SLC4A10: variants seen among roughly 807,000 people sequenced by gnomAD.
The protein encoded by SLC4A10 is sodium-driven chloride bicarbonate exchanger.
SLC4A10 carries 42 observed loss-of-function variants against 137.7 expected under a neutral mutation model. The observed-to-expected ratio is 0.30, with a 90% CI of 0.24 to 0.39. The LOEUF (loss-of-function observed/expected upper bound fraction) is 0.39. Among genes scored for constraint, SLC4A10 ranks in the 10% least tolerant of loss-of-function variants. The pLI is 1.00. For synonymous variants in SLC4A10, 474 were observed against 464.1 expected (o/e 1.02, Z -0.27); for missense variants, 925 against 1,355.0 (o/e 0.68, Z 4.98).
intron 2 of SLC4A10, among the ~76,000 whole-genome samples, chr2:161,772,901 AG>A (rs2051830465): frequency 6.6e-6 from 1 of 151,884 alleles, no homozygotes; most frequent in African/African-American, 2.4e-5. Flanking sequence ...CATTAGCCAG[AG>A]TCAGGAAATA....
chr2:161,716,031 TGGC>T (rs2044830711), intron 1 of SLC4A10, among the ~76,000 whole-genome samples: 1 of 152,150 alleles, frequency 6.6e-6, no homozygotes, highest in Non-Finnish European at 1.5e-5. Flanking sequence ...CCATTCTGAC[TGGC>T]ATGAGATGGT....
At chr2:161,778,855 T>C (rs1213920652) in intron 2 of SLC4A10, among the ~76,000 whole-genome samples, 1 of 151,986 alleles carries the variant, frequency 6.6e-6, no homozygotes, top group African/African-American at 2.4e-5. Context: ...CATCTTGATA[T>C]TCTTTTACTC....
At chr2:161,821,385 C>A (rs1382455317) in intron 3 of SLC4A10, among the ~76,000 whole-genome samples, 1 of 152,164 alleles carries the variant, frequency 6.6e-6, no homozygotes, top group East Asian at 1.9e-4. Flanking sequence ...ATAATCTTGG[C>A]TGAAGTTTGT....
intron 9 of SLC4A10, 23 bp downstream of exon 9, chr2:161,879,311 T>C (rs998765985): frequency 6.4e-7 from 1 of 1,574,508 alleles, no homozygotes; most frequent in South Asian, 1.2e-5. Context: ...AAAGCGTCTT[T>C]TGTATTTTTC....
intron 23 of SLC4A10, among the ~76,000 whole-genome samples, chr2:161,970,258 T>C (rs760556517): frequency 3.5e-4 from 54 of 152,358 alleles, no homozygotes; most frequent in Non-Finnish European, 7.4e-4. Context: ...GTTACATTTA[T>C]GTACTGATAT....
chr2:161,771,980 A>G (rs1002611739), intron 2 of SLC4A10, among the ~76,000 whole-genome samples: 6 of 151,888 alleles, frequency 4.0e-5, no homozygotes, highest in African/African-American at 1.2e-4. Context: ...TTACAGTACA[A>G]TTAAATTAAT....
chr2:161,792,501 A>G (rs965152931), intron 2 of SLC4A10, among the ~76,000 whole-genome samples: 1 of 152,152 alleles, frequency 6.6e-6, no homozygotes, highest in Admixed American at 6.6e-5. Context: ...CAGTTGTACC[A>G]TGAAGGTGGC....
At chr2:161,709,460 A>G (rs926255017) in intron 1 of SLC4A10, among the ~76,000 whole-genome samples, 1 of 151,594 alleles carries the variant, frequency 6.6e-6, no homozygotes, top group Non-Finnish European at 1.5e-5. Flanking sequence ...CTATTGAAAT[A>G]TTGATGCTCT....
Position 161,942,830 on chromosome 2 carries a change from C to T in SLC4A10, c.2036C>T (p.Thr679Ile), listed in dbSNP as rs1204367305. Residue 679 changes from threonine to isoleucine, a missense_variant, in exon 16 of 27, where the codon ACA (threonine) becomes ATA (isoleucine). Physicochemically the swap from Thr to Ile is moderately conservative, Grantham distance 89. Coordinates refer to ENST00000446997, the MANE Select transcript of SLC4A10 (RefSeq NM_001178015.2). The part of the protein sequence containing the change: ...CVEPHNPSNG[T>I]LKEWRESNIS... Reference sequence around the variant, plus strand: ...GAACCGCATAATCCCAGCAATGGCACATTGAAGGAATGGAGGGAATCCAAT... The same window carrying T: ...GAACCGCATAATCCCAGCAATGGCATATTGAAGGAATGGAGGGAATCCAAT... 1 of 1,606,234 alleles carries T rather than the reference C, an allele frequency of 6.2e-7. No individual in the cohort carries two copies. The highest frequency in any genetic ancestry group is 1.7e-5 in the Admixed American group (1 of 59,158).
chr2:161,882,016 C>G (rs1302281928), intron 9 of SLC4A10, among the ~76,000 whole-genome samples: 2 of 151,794 alleles, frequency 1.3e-5, no homozygotes, highest in East Asian at 3.9e-4. Context: ...TTAGAAAGGT[C>G]TAATCAGATT....
At chr2:161,693,583 T>C (rs908491499) in intron 1 of SLC4A10, among the ~76,000 whole-genome samples, 4 of 151,848 alleles carry the variant, frequency 2.6e-5, no homozygotes, top group Admixed American at 2.0e-4. Context: ...AATCAAAGTT[T>C]GTACCATTTG....
chr2:161,648,310 C>T (rs1217279721), intron 1 of SLC4A10, among the ~76,000 whole-genome samples: 1 of 152,102 alleles, frequency 6.6e-6, no homozygotes, highest in Admixed American at 6.6e-5. Flanking sequence ...ATTACTTACT[C>T]ATTCACTTAC....
intron 7 of SLC4A10, among the ~76,000 whole-genome samples, chr2:161,873,106 A>T (rs1463167095): frequency 6.6e-6 from 1 of 152,194 alleles, no homozygotes; most frequent in East Asian, 1.9e-4. Context: ...TATAAAACTG[A>T]ATTGTTAATG....
chr2:161,737,963 C>T (rs2047513969), intron 1 of SLC4A10, among the ~76,000 whole-genome samples: 2 of 152,156 alleles, frequency 1.3e-5, no homozygotes, highest in Non-Finnish European at 2.9e-5. Flanking sequence ...CAGTTTCTGC[C>T]TGACCTAGTC....
At chr2:161,703,884 A>G (rs2043375618) in intron 1 of SLC4A10, among the ~76,000 whole-genome samples, 1 of 151,712 alleles carries the variant, frequency 6.6e-6, no homozygotes, top group Admixed American at 6.6e-5. Flanking sequence ...CTCAACAGGC[A>G]GCATTGATTA....
intron 1 of SLC4A10, among the ~76,000 whole-genome samples, chr2:161,708,270 T>G (rs969458518): frequency 2.6e-5 from 4 of 151,502 alleles, no homozygotes; most frequent in Admixed American, 2.0e-4. Flanking sequence ...TAATTTTGCT[T>G]GGTAAGTCAT....
chr2:161,660,613 T>TTCCTTTCCTTCTTTCC (rs1553479926), intron 1 of SLC4A10, among the ~76,000 whole-genome samples: 109 of 130,254 alleles, frequency 8.4e-4, no homozygotes, highest in South Asian at 1.7e-3. Context: ...TCTTTCTTTC[T>TTCCTTTCCTTCTTTCC]TTCTTTCTTT....
At chr2:161,754,750 A>C (rs563397721) in intron 1 of SLC4A10, among the ~76,000 whole-genome samples, 1 of 152,320 alleles carries the variant, frequency 6.6e-6, no homozygotes, top group East Asian at 1.9e-4. Flanking sequence ...AGTTACTACT[A>C]TGTAAGAAAA....
At chr2:161,978,808 T>A (rs1027704035) in intron 26 of SLC4A10, among the ~76,000 whole-genome samples, 2 of 152,232 alleles carry the variant, frequency 1.3e-5, no homozygotes, top group Admixed American at 1.3e-4. Flanking sequence ...TTTTGGTTGG[T>A]ATTTTCTGTC....
Sources: allele counts gnomAD v4.1 joint callset (sites outside exome capture counted in the v4.1 genomes callset), GRCh38; gene constraint gnomAD v4.1.1; transcripts MANE v1.5; gene names NCBI Gene and HGNC (gene_info 2026-07-23, HGNC 2026-07-21).